The following CDK5RAP2 variants were observed in gnomAD, a reference collection of about 807,000 sequenced individuals.
CDK5RAP2 encodes the protein CDK5 regulatory subunit-associated protein 2.
In CDK5RAP2, 147 loss-of-function variants were observed where a neutral mutation model predicts 232.9. The observed-to-expected ratio is 0.63, with a 90% CI of 0.55 to 0.72. The LOEUF (loss-of-function observed/expected upper bound fraction) is 0.72. CDK5RAP2 is among the 30% of genes least tolerant of loss of function. CDK5RAP2 has a pLI of 0.00. For synonymous variants in CDK5RAP2, 833 were observed against 833.7 expected, an observed-to-expected ratio of 1.00 and a Z score of 0.01; for missense variants, 2,195 against 2,231.5, an observed-to-expected ratio of 0.98 and a Z score of 0.33.
chr9:120,544,263 C>G (rs1183756474), intron 5 of CDK5RAP2, among the ~76,000 whole-genome samples: 1 of 152,082 alleles, frequency 6.6e-6, no homozygotes, highest in Non-Finnish European at 1.5e-5. Flanking sequence ...TAGTCCAAGC[C>G]AAGACCTGTA....
rs1180566864 is a variant in CDK5RAP2 at position 120,400,698 on chromosome 9, C to T, written c.5451+44G>A. ...GCATGGAGGAAACTGAGACACAGGC[C>T]CCAGTGGCATCCTTGAGCCTCTGAA... On this transcript the variant is annotated intron_variant, in intron 35 of 37. Transcript: ENST00000349780. The T allele has an allele frequency of 3.1e-6, 5 of 1,610,266 alleles. No individual in the cohort carries two copies. The African/African-American group carries it at 6.7e-5, about 22-fold the overall frequency.
chr9:120,568,007 C>A (rs754113828), intron 3 of CDK5RAP2, among the ~76,000 whole-genome samples: 2 of 152,206 alleles, frequency 1.3e-5, no homozygotes, highest in Non-Finnish European at 2.9e-5. Context: ...CTCCCCTCAA[C>A]TGTGCAACAT....
chr9:120,496,658 C>T (rs1483685380), intron 12 of CDK5RAP2, among the ~76,000 whole-genome samples: 7 of 142,912 alleles, frequency 4.9e-5, no homozygotes, highest in African/African-American at 1.1e-4. Flanking sequence ...CCCCTCTGCC[C>T]GGCCAGCCGC....
At chr9:120,500,148 T>G (rs1007789673) in intron 12 of CDK5RAP2, among the ~76,000 whole-genome samples, 2 of 152,212 alleles carry the variant, frequency 1.3e-5, no homozygotes, top group Non-Finnish European at 2.9e-5. Flanking sequence ...GTGCCTAAAG[T>G]GAAAGATACC....
At chr9:120,572,648 T>C (rs1171635552) in intron 1 of CDK5RAP2, among the ~76,000 whole-genome samples, 1 of 152,170 alleles carries the variant, frequency 6.6e-6, no homozygotes, top group Non-Finnish European at 1.5e-5. Context: ...AACTAACCCA[T>C]AATAGGAGGT....
In CDK5RAP2 at chr9:120,402,757, G is replaced by A. The variant is rs200521701; in HGVS notation, c.5307+49C>T. Reference sequence around the variant, plus strand: ...ATTTGACTCCCCTCCCCCTTCCACCGACACTCCCAGGGAGCAGCTTGTGCC... The same window carrying A: ...ATTTGACTCCCCTCCCCCTTCCACCAACACTCCCAGGGAGCAGCTTGTGCC... On this transcript the variant is annotated intron_variant, in intron 34 of 37. Coordinates refer to ENST00000349780, the MANE Select transcript of CDK5RAP2 (RefSeq NM_018249.6). The A allele has an allele frequency of 1.3e-4, 215 of 1,609,202 alleles. No homozygotes were observed. In the African/African-American group the frequency reaches 2.4e-3, roughly 18 times the overall value.
chr9:120,459,757 T>A (rs1319903704), intron 19 of CDK5RAP2, among the ~76,000 whole-genome samples: 2 of 152,224 alleles, frequency 1.3e-5, no homozygotes, highest in Non-Finnish European at 2.9e-5. Context: ...ATGAGGTTGA[T>A]CTGGTTGCAA....
intron 1 of CDK5RAP2, among the ~76,000 whole-genome samples, chr9:120,575,348 C>A (rs1356800964): frequency 1.3e-5 from 2 of 152,128 alleles, no homozygotes; most frequent in African/African-American, 4.8e-5. Flanking sequence ...CCACCGCGCC[C>A]AGCTGTAGCA....
intron 21 of CDK5RAP2, among the ~76,000 whole-genome samples, chr9:120,453,132 A>T (rs1039046793): frequency 1.3e-5 from 2 of 152,222 alleles, no homozygotes; most frequent in Admixed American, 6.5e-5. Flanking sequence ...CATGAAAGAG[A>T]CAGCTACAGA....
intron 12 of CDK5RAP2, among the ~76,000 whole-genome samples, chr9:120,493,808 T>G (rs543298336): frequency 3.3e-5 from 5 of 152,334 alleles, no homozygotes; most frequent in Admixed American, 2.6e-4. Flanking sequence ...GCTTACTTAT[T>G]AAACAATAAG....
At chr9:120,496,539 C>A (rs1313811687) in intron 12 of CDK5RAP2, among the ~76,000 whole-genome samples, 35 of 148,264 alleles carry the variant, frequency 2.4e-4, no homozygotes, top group African/African-American at 7.9e-4. Flanking sequence ...CCCGGCCAGC[C>A]GCCCCGTCCG....
At chr9:120,435,942 T>C (rs1312981778) in intron 25 of CDK5RAP2, among the ~76,000 whole-genome samples, 3 of 152,282 alleles carry the variant, frequency 2.0e-5, no homozygotes, top group Non-Finnish European at 2.9e-5. Context: ...AAAACTGTCA[T>C]AGGAACATTT....
At chr9:120,533,797 T>TAAAA (rs147527299) in intron 7 of CDK5RAP2, among the ~76,000 whole-genome samples, 2 of 52,738 alleles carry the variant, frequency 3.8e-5, no homozygotes, top group South Asian at 1.5e-3. Flanking sequence ...AGACTCCATC[T>TAAAA]AAAAAAAAAA....
intron 14 of CDK5RAP2, among the ~76,000 whole-genome samples, chr9:120,486,839 C>A (rs1282775086): frequency 6.6e-6 from 1 of 152,100 alleles, no homozygotes; most frequent in Non-Finnish European, 1.5e-5. Flanking sequence ...GAACTACATA[C>A]ACAAAGGCAC....
At chr9:120,544,676 T>G (rs573777662) in intron 5 of CDK5RAP2, among the ~76,000 whole-genome samples, 1 of 152,340 alleles carries the variant, frequency 6.6e-6, no homozygotes, top group African/African-American at 2.4e-5. Context: ...AATGAAGCAT[T>G]TCCACATAAG....
rs756080810 is a variant in CDK5RAP2, at chr9:120,539,162, T to C, written c.386A>G (p.Lys129Arg). Residue 129 changes from lysine (K) to arginine (R), a missense_variant and splice_region_variant, in exon 6 of 38, where the codon AAA becomes AGA. Lys to Arg is a conservative substitution (Grantham distance 26). Transcript: ENST00000349780. ...TGCTTCAGCTAAGCTCTCAACTGCT[T>C]TGCTGCAAAAAGAGGCACAGGGGTA... ...EREQLLIKAS[K>R]AVESLAEAGG... 1 of 1,613,892 alleles carries C rather than the reference T, an allele frequency of 6.2e-7. No homozygotes were observed. The highest frequency in any genetic ancestry group is 8.5e-7 in the Non-Finnish European group (1 of 1,179,814).
At position 120,497,453 on chromosome 9, in the gene CDK5RAP2, A is replaced by G. The variant is rs1335330257; in HGVS notation, c.1312-5976T>C. Among the ~76,000 whole-genome samples, 7 of 130,802 alleles carry G rather than the reference A, an allele frequency of 5.4e-5. 2 individuals carry two copies. Among genetic ancestry groups the G allele is most frequent in the Non-Finnish European group, 8.8e-5 (5 of 57,016 alleles). 85.8% of individuals were successfully genotyped at this position (130,802 alleles called of 152,430 possible). On this transcript the variant is annotated intron_variant, in intron 12 of 37. Transcript: ENST00000349780. ...AAAAAAAAAAAAAAAAAAAAAAAAA[A>G]AGAATCATCAATGGATGCTAGAATT...
chr9:120,515,760 A>G (rs1296882128), intron 12 of CDK5RAP2, among the ~76,000 whole-genome samples: 1 of 152,244 alleles, frequency 6.6e-6, no homozygotes, highest in Non-Finnish European at 1.5e-5. Context: ...CAAAAAACAC[A>G]TGAAAAAATG....
rs1187909059 is a variant in CDK5RAP2, at chr9:120,469,562, C to G, written c.1968+549G>C. On this transcript the variant is annotated intron_variant, in intron 17 of 37. Transcript: ENST00000349780. ...TTTTTCAGAACCTTGAAACACTAAACCACTCTAACCATGACACTGATCAAC... is the reference window on the plus strand; with the variant it reads ...TTTTTCAGAACCTTGAAACACTAAAGCACTCTAACCATGACACTGATCAAC... Among the ~76,000 whole-genome samples, 11 of 152,292 alleles carry G rather than the reference C, an allele frequency of 7.2e-5. No homozygotes were observed. The South Asian group carries it at 8.3e-4, about 11-fold the overall frequency.
Sources: allele counts gnomAD v4.1 joint callset (sites outside exome capture counted in the v4.1 genomes callset), GRCh38; gene constraint gnomAD v4.1.1; transcripts MANE v1.5; gene names NCBI Gene and HGNC (gene_info 2026-07-23, HGNC 2026-07-21).